INPP4B: variants seen among roughly 807,000 people sequenced by gnomAD.
INPP4B encodes the protein inositol polyphosphate-4-phosphatase type II B.
INPP4B carries 55 observed loss-of-function variants against 122.5 expected under a neutral mutation model. That is an observed-to-expected ratio of 0.45 (90% CI 0.36 to 0.56). The LOEUF is 0.56. INPP4B is among the 20% of genes least tolerant of loss of function. INPP4B has a pLI of 0.00. For synonymous variants in INPP4B, 403 were observed against 388.7 expected (o/e 1.04, Z -0.43); for missense variants, 1,000 against 1,097.7 (o/e 0.91, Z 1.26).
At chr4:142,218,774 C>G (rs1375615800) in intron 12 of INPP4B, among the ~76,000 whole-genome samples, 1 of 152,090 alleles carries the variant, frequency 6.6e-6, no homozygotes. Flanking sequence ...ATTCATTAAA[C>G]AAAATTAGAC....
intron 11 of INPP4B, among the ~76,000 whole-genome samples, chr4:142,252,075 C>A (rs1351089045): frequency 6.6e-6 from 1 of 152,168 alleles, no homozygotes; most frequent in Non-Finnish European, 1.5e-5. Context: ...TGAAGACTTC[C>A]TCATTTGTGA....
intron 2 of INPP4B, among the ~76,000 whole-genome samples, chr4:142,600,567 A>C (rs942604526): frequency 5.3e-5 from 8 of 152,262 alleles, no homozygotes; most frequent in African/African-American, 1.7e-4. Context: ...TAAGTAATAA[A>C]AAAGACTCAA....
chr4:142,574,325 T>C (rs952646424), intron 2 of INPP4B, among the ~76,000 whole-genome samples: 1 of 152,108 alleles, frequency 6.6e-6, no homozygotes, highest in African/African-American at 2.4e-5. Context: ...CTAAAATCTC[T>C]GACAATCCTC....
At chr4:142,399,189 CTTTTTTTT>C (rs70949166) in intron 7 of INPP4B, among the ~76,000 whole-genome samples, 86 of 56,994 alleles carry the variant, frequency 1.5e-3, no homozygotes, top group Middle Eastern at 0.028. Context: ...TTTCCTTTTG[CTTTTTTTT>C]TTTTTTTTTT....
At chr4:142,685,459 T>C (rs763533641) in intron 2 of INPP4B, among the ~76,000 whole-genome samples, 1 of 152,140 alleles carries the variant, frequency 6.6e-6, no homozygotes, top group African/African-American at 2.4e-5. Flanking sequence ...AATTTCACAG[T>C]ATAGTTTTTT....
chr4:142,053,296 AT>A (rs1755646249), intron 25 of INPP4B, among the ~76,000 whole-genome samples: 1 of 152,088 alleles, frequency 6.6e-6, no homozygotes, highest in Admixed American at 6.6e-5. Context: ...CAGATCAGAT[AT>A]GTATTTTGAA....
intron 1 of INPP4B, among the ~76,000 whole-genome samples, chr4:142,845,751 G>GGCGGCA (rs1784110385): frequency 6.6e-6 from 1 of 151,894 alleles, no homozygotes; most frequent in South Asian, 2.1e-4. Context: ...CGGCGGCGGC[G>GGCGGCA]GCGGCAGCTT....
intron 2 of INPP4B, among the ~76,000 whole-genome samples, chr4:142,478,513 T>C (rs1241275662): frequency 6.6e-6 from 1 of 152,256 alleles, no homozygotes; most frequent in Non-Finnish European, 1.5e-5. Flanking sequence ...CTGAATTTTA[T>C]TGAAAGCATT....
intron 3 of INPP4B, among the ~76,000 whole-genome samples, chr4:142,443,290 A>G (rs1444833062): frequency 6.6e-6 from 1 of 152,172 alleles, no homozygotes; most frequent in Non-Finnish European, 1.5e-5. Flanking sequence ...AATGATTGGA[A>G]GCAGAGTGGG....
chr4:142,679,113 A>C (rs1027672176), intron 2 of INPP4B, among the ~76,000 whole-genome samples: 3 of 151,888 alleles, frequency 2.0e-5, no homozygotes, highest in Non-Finnish European at 2.9e-5. Context: ...AGACCCCTGG[A>C]CCAGAGATTT....
chr4:142,262,286 A>T (rs1248948568), intron 10 of INPP4B, among the ~76,000 whole-genome samples: 4 of 152,098 alleles, frequency 2.6e-5, no homozygotes, highest in Non-Finnish European at 5.9e-5. Context: ...CTCAGCCCTC[A>T]ACTCCAACCA....
At chr4:142,734,203 G>C (rs1766492630) in intron 1 of INPP4B, among the ~76,000 whole-genome samples, 1 of 152,196 alleles carries the variant, frequency 6.6e-6, no homozygotes, top group Admixed American at 6.5e-5. Context: ...CATGAGCACA[G>C]GCTGTGAGGG....
At chr4:142,273,054 G>T (rs1339162642) in intron 9 of INPP4B, among the ~76,000 whole-genome samples, 1 of 151,974 alleles carries the variant, frequency 6.6e-6, no homozygotes, top group East Asian at 1.9e-4. Flanking sequence ...GTGAACTCAA[G>T]AGTTTGAGTT....
At chr4:142,309,495 G>T (rs1276017178) in intron 8 of INPP4B, among the ~76,000 whole-genome samples, 1 of 151,712 alleles carries the variant, frequency 6.6e-6, no homozygotes, top group Non-Finnish European at 1.5e-5. Context: ...AAGGATTAAG[G>T]CCCTGATAGT....
At chr4:142,392,167 A>G (rs1797909925) in intron 7 of INPP4B, among the ~76,000 whole-genome samples, 1 of 152,196 alleles carries the variant, frequency 6.6e-6, no homozygotes, top group South Asian at 2.1e-4. Flanking sequence ...TGGTCCCTGC[A>G]CACTGTTGGA....
At chr4:142,124,792 A>G in intron 18 of INPP4B, 32 bp from the exon 19 acceptor site, 1 of 1,426,770 alleles carries the variant, frequency 7.0e-7, no homozygotes, top group Non-Finnish European at 9.3e-7. Context: ...ACAGTGCAAT[A>G]GATGAAGGAA....
intron 25 of INPP4B, chr4:142,029,987 A>T: frequency 2.2e-6 from 3 of 1,381,258 alleles, no homozygotes; most frequent in Non-Finnish European, 1.9e-6. Context: ...TGTTTTTTAG[A>T]TTTTAGGAAA....
chr4:142,544,933 G>A (rs947150897), intron 2 of INPP4B, among the ~76,000 whole-genome samples: 5 of 152,118 alleles, frequency 3.3e-5, no homozygotes, highest in South Asian at 2.1e-4. Context: ...TTTCTCTTAC[G>A]AAAATATATT....
At chr4:142,634,941 T>C (rs1748767707) in intron 2 of INPP4B, among the ~76,000 whole-genome samples, 1 of 152,070 alleles carries the variant, frequency 6.6e-6, no homozygotes, top group African/African-American at 2.4e-5. Context: ...TGAAAATTAA[T>C]AAGTTAGTTA....
Sources: allele counts gnomAD v4.1 joint callset (sites outside exome capture counted in the v4.1 genomes callset), GRCh38; gene constraint gnomAD v4.1.1; transcripts MANE v1.5; gene names NCBI Gene and HGNC (gene_info 2026-07-23, HGNC 2026-07-21).